TMEM163: variants seen among roughly 807,000 people sequenced by gnomAD.
TMEM163 encodes transmembrane protein 163.
Under a neutral mutation model 29.3 loss-of-function variants are expected in TMEM163, and 17 were observed. That is an observed-to-expected ratio of 0.58 (90% CI 0.40 to 0.87). The LOEUF (loss-of-function observed/expected upper bound fraction) is 0.87. Ranked by LOEUF, TMEM163 falls within the 40% of genes least tolerant of loss-of-function variation. TMEM163 has a pLI of 0.00. For missense variants in TMEM163, 303 were observed against 381.5 expected, an observed-to-expected ratio of 0.79 and a Z score of 1.71; for synonymous variants, 157 against 160.6, an observed-to-expected ratio of 0.98 and a Z score of 0.17.
chr2:134,480,003 G>C (rs1003867167), intron 5 of TMEM163, among the ~76,000 whole-genome samples: 5 of 152,234 alleles, frequency 3.3e-5, no homozygotes, highest in African/African-American at 9.6e-5. Flanking sequence ...TGGTCAGCCA[G>C]ACCAGGTCAG....
chr2:134,623,904 A>C (rs1682791776), intron 2 of TMEM163, among the ~76,000 whole-genome samples: 1 of 152,222 alleles, frequency 6.6e-6, no homozygotes, highest in Admixed American at 6.5e-5. Flanking sequence ...ACTCCACACT[A>C]TACTTTTACA....
At chr2:134,559,671 A>C (rs1681123828) in intron 2 of TMEM163, among the ~76,000 whole-genome samples, 1 of 152,122 alleles carries the variant, frequency 6.6e-6, no homozygotes, top group Admixed American at 6.5e-5. Context: ...GGGTGGCTAC[A>C]TACAAAAAGG....
At chr2:134,642,924 A>C (rs1295065883) in intron 2 of TMEM163, among the ~76,000 whole-genome samples, 1 of 152,106 alleles carries the variant, frequency 6.6e-6, no homozygotes, top group Non-Finnish European at 1.5e-5. Flanking sequence ...TAGGTATCAA[A>C]GCAATAATCT....
intron 5 of TMEM163, among the ~76,000 whole-genome samples, chr2:134,475,460 A>G (rs760105218): frequency 3.3e-5 from 5 of 152,200 alleles, no homozygotes; most frequent in Admixed American, 2.6e-4. Context: ...TATGACAAAA[A>G]ACAAGCACTA....
chr2:134,638,837 G>A (rs1009406871), intron 2 of TMEM163, among the ~76,000 whole-genome samples: 2 of 152,184 alleles, frequency 1.3e-5, no homozygotes, highest in Non-Finnish European at 2.9e-5. Context: ...ATGAAGGTGA[G>A]CTCCATGGTG....
intron 2 of TMEM163, among the ~76,000 whole-genome samples, chr2:134,683,764 A>G (rs1684297738): frequency 6.6e-6 from 1 of 152,200 alleles, no homozygotes; most frequent in Non-Finnish European, 1.5e-5. Context: ...ATGAAAACAA[A>G]TATGGCCAGC....
intron 2 of TMEM163, among the ~76,000 whole-genome samples, chr2:134,658,747 G>A (rs573810715): frequency 5.3e-5 from 8 of 152,108 alleles, no homozygotes; most frequent in African/African-American, 1.4e-4. Flanking sequence ...ACAGGCGCCC[G>A]CCACAATGCC....
intron 2 of TMEM163, among the ~76,000 whole-genome samples, chr2:134,559,215 C>T (rs1452686826): frequency 6.6e-6 from 1 of 152,076 alleles, no homozygotes; most frequent in Non-Finnish European, 1.5e-5. Flanking sequence ...CACAGCCAGC[C>T]TGCCTCACTC....
chr2:134,706,767 G>A (rs1684823147), intron 2 of TMEM163, among the ~76,000 whole-genome samples: 1 of 152,164 alleles, frequency 6.6e-6, no homozygotes, highest in Non-Finnish European at 1.5e-5. Context: ...GGGGATGGGA[G>A]GAGGTGAGGC....
At position 134,674,589 on chromosome 2, in the gene TMEM163, A is replaced by C. The variant is rs147392136; in HGVS notation, c.322+38611T>G. Reference sequence around the variant, plus strand: ...TGGCCAGGCTGGTCTCAATCTCCTGACTTCGTGATCCGCCCCCGTCGGCCT... The same window carrying C: ...TGGCCAGGCTGGTCTCAATCTCCTGCCTTCGTGATCCGCCCCCGTCGGCCT... On this transcript the variant is annotated intron_variant, in intron 2 of 7. Coordinates refer to ENST00000281924, the MANE Select transcript of TMEM163 (RefSeq NM_030923.5). Among the ~76,000 whole-genome samples the C allele has an allele frequency of 4.2e-4, 64 of 151,524 alleles. No individual in the cohort carries two copies. The East Asian group carries it at 0.012, about 28-fold the overall frequency.
At chr2:134,514,490 T>C (rs1028094440) in intron 4 of TMEM163, among the ~76,000 whole-genome samples, 3 of 151,852 alleles carry the variant, frequency 2.0e-5, no homozygotes, top group Non-Finnish European at 4.4e-5. Flanking sequence ...TGAACTACTT[T>C]GACCAAGCTT....
At chr2:134,611,695 C>T (rs1682506685) in intron 2 of TMEM163, among the ~76,000 whole-genome samples, 1 of 152,156 alleles carries the variant, frequency 6.6e-6, no homozygotes, top group Non-Finnish European at 1.5e-5. Flanking sequence ...ACCCATTTAA[C>T]ACATTTTCTT....
chr2:134,611,817 G>A lies in TMEM163; in HGVS notation c.323-59726C>T, dbSNP rs150831925. On this transcript the variant is annotated intron_variant, in intron 2 of 7. Transcript: ENST00000281924. ...TGCAGCCCTCTCAACGACGGCCAGA[G>A]CAGGCAGTGAAGAGGTGAGCCTCCA... Among the ~76,000 whole-genome samples, 320 of 152,300 alleles carry A rather than the reference G, an allele frequency of 2.1e-3. 2 individuals are homozygous for A. Among genetic ancestry groups the A allele is most frequent in the Admixed American group, 0.014 (215 of 15,304 alleles).
intron 6 of TMEM163, among the ~76,000 whole-genome samples, chr2:134,465,198 A>AAAAAAAAAAAAAAAAC (rs1352256515): frequency 5.5e-5 from 8 of 144,396 alleles, no homozygotes; most frequent in African/African-American, 1.1e-4. Context: ...TTAAAAAAAA[A>AAAAAAAAAAAAAAAAC]AAAAACAAAA....
At position 134,459,742 on chromosome 2, in the gene TMEM163, A is replaced by G. The variant is rs544669943; in HGVS notation, c.668-1569T>C. On this transcript the variant is annotated intron_variant, in intron 6 of 7. Coordinates refer to ENST00000281924, the MANE Select transcript of TMEM163 (RefSeq NM_030923.5). ...GGTGGGGGTCAATCCCTAGCCCCAC[A>G]CCCCCCTCCCCAGGCTCCTCCTGTC... Among the ~76,000 whole-genome samples the G allele has an allele frequency of 1.2e-4, 17 of 139,722 alleles. No individual in the cohort carries two copies. In the East Asian group the frequency reaches 3.8e-3, roughly 31 times the overall value. The allele number at this position is 139,722 out of a possible 152,430, so 91.7% of individuals were successfully genotyped here. A position where few individuals can be genotyped will look rare whatever the true frequency, so the allele number is the denominator to read the frequency against.
At chr2:134,584,751 G>C (rs1025828866) in intron 2 of TMEM163, among the ~76,000 whole-genome samples, 1 of 152,030 alleles carries the variant, frequency 6.6e-6, no homozygotes, top group Non-Finnish European at 1.5e-5. Flanking sequence ...ACCGGATTCA[G>C]ACACAAATGT....
chr2:134,626,137 C>T (rs1414278379), intron 2 of TMEM163, among the ~76,000 whole-genome samples: 3 of 125,724 alleles, frequency 2.4e-5, no homozygotes, highest in Non-Finnish European at 4.8e-5. Flanking sequence ...CAGAGTCTCG[C>T]TCTGTCGCTC....
intron 6 of TMEM163, among the ~76,000 whole-genome samples, chr2:134,462,825 G>T (rs1686576236): frequency 6.6e-6 from 1 of 152,208 alleles, no homozygotes; most frequent in East Asian, 1.9e-4. Flanking sequence ...GTTCCAAGGA[G>T]GGGGGTCAAG....
chr2:134,456,401 CACCGAAG>C lies in TMEM163; in HGVS notation c.*308_*314del. 2.7e-6 allele frequency: 1 copy of C among 371,002 alleles called. No homozygotes were observed. The highest frequency in any genetic ancestry group is 5.1e-6 in the Non-Finnish European group (1 of 195,492). The allele number at this position is 371,002 out of a possible 1,614,324, so 23.0% of individuals were successfully genotyped here. On this transcript the variant is annotated 3_prime_UTR_variant, in exon 8 of 8. Coordinates refer to ENST00000281924, the MANE Select transcript of TMEM163 (RefSeq NM_030923.5). ...CCTATGCAGCGCAGGCTCAGAGCAC[CACCGAAG>C]ACCTTTCTGCCAAAGATCTCATCCT...
Sources: gnomAD v4.1 joint callset for allele counts (sites outside exome capture counted in the v4.1 genomes callset) on GRCh38, gnomAD v4.1.1 for gene constraint, MANE v1.5 for transcripts, NCBI Gene and HGNC (gene_info 2026-07-23, HGNC 2026-07-21) for gene names.